The following IPO9 variants were observed in gnomAD, a reference collection of about 807,000 sequenced individuals.
IPO9 encodes the protein importin 9, also known as importin-9.
A neutral mutation model predicts 128.6 loss-of-function variants in IPO9; 28 were observed. That is an observed-to-expected ratio of 0.22 (90% CI 0.16 to 0.30). The LOEUF (loss-of-function observed/expected upper bound fraction) is 0.30. Among genes scored for constraint, IPO9 ranks in the 10% least tolerant of loss-of-function variants. The probability of loss-of-function intolerance (pLI) is 1.00; values close to 1 mark genes in which losing one functional copy is unlikely to be tolerated. For missense variants in IPO9, 935 were observed against 1,293.9 expected (o/e 0.72, Z 4.26); for synonymous variants, 455 against 475.8 (o/e 0.96, Z 0.57).
At chr1:201,843,291 ATACGTAG>A (rs1263398926) in intron 1 of IPO9, among the ~76,000 whole-genome samples, 1 of 152,208 alleles carries the variant, frequency 6.6e-6, no homozygotes, top group Non-Finnish European at 1.5e-5. Flanking sequence ...CTAAGTTACA[ATACGTAG>A]TTAGAATTTC....
rs756505233 is a variant in IPO9, at chr1:201,870,907, T to C, written c.2409+49T>C. On this transcript the variant is annotated intron_variant, in intron 18 of 23. Coordinates refer to ENST00000361565, the MANE Select transcript of IPO9 (RefSeq NM_018085.5). The surrounding 1 kb of genome is among the most constrained non-coding windows in gnomAD (Gnocchi z 4.9). ...CTTCCTACTCCCTGGCTGATAGAAATGAAAATTCGTATTTTGGTCCTGAGT... is the reference window on the plus strand; with the variant it reads ...CTTCCTACTCCCTGGCTGATAGAAACGAAAATTCGTATTTTGGTCCTGAGT... 1.9e-6 allele frequency: 3 copies of C among 1,539,124 alleles called. No homozygotes were observed. Among genetic ancestry groups the C allele is most frequent in the East Asian group, 2.3e-5 (1 of 43,956 alleles).
At chr1:201,854,001 G>T (rs1680273446) in intron 6 of IPO9, among the ~76,000 whole-genome samples, 1 of 152,176 alleles carries the variant, frequency 6.6e-6, no homozygotes, top group African/African-American at 2.4e-5. Flanking sequence ...CTCCCAAAGT[G>T]CTGGGATTAC....
intron 1 of IPO9, among the ~76,000 whole-genome samples, chr1:201,836,886 A>T (rs1679951620): frequency 6.6e-6 from 1 of 152,206 alleles, no homozygotes; most frequent in South Asian, 2.1e-4. Context: ...AAATCTGTTC[A>T]TCTATTTTAT....
chr1:201,874,216 C>T (rs750513248), intron 20 of IPO9, 34 bp from the exon 21 acceptor site: 3 of 1,610,892 alleles, frequency 1.9e-6, no homozygotes, highest in South Asian at 1.1e-5. Flanking sequence ...AGCTCAGTGA[C>T]ACTCTGACTT....
intron 1 of IPO9, 120 bp downstream of exon 1, chr1:201,829,492 G>A: frequency 9.6e-7 from 1 of 1,046,328 alleles, no homozygotes; most frequent in Non-Finnish European, 1.3e-6. Flanking sequence ...CCGAGAAGTG[G>A]AGCAGGAAGC....
In IPO9 at chr1:201,878,226, G is replaced by A. The variant is rs1326104776; in HGVS notation, c.*2172G>A. 2 of 152,320 alleles carry A rather than the reference G, an allele frequency of 1.3e-5. No homozygotes were observed. The highest frequency in any genetic ancestry group is 4.8e-5 in the African/African-American group (2 of 41,464). The allele number at this position is 152,320 out of a possible 1,614,324, so 9.4% of individuals were successfully genotyped here. A position where few individuals can be genotyped will look rare whatever the true frequency, so the allele number is the denominator to read the frequency against. ...GGGAAATGATGGCAGATCTGACCAA[G>A]TGGTGCTGAGAAAACCACCCTCGGC... On this transcript the variant is annotated 3_prime_UTR_variant, in exon 24 of 24. Transcript: ENST00000361565.
At chr1:201,850,456 C>T (rs969843433) in intron 4 of IPO9, 1 of 152,110 alleles carries the variant, frequency 6.6e-6, no homozygotes, top group African/African-American at 2.4e-5. Flanking sequence ...AGATGAGAAC[C>T]AACTAAGGCT....
chr1:201,869,501 A>AT, intron 16 of IPO9, 89 bp from the exon 17 acceptor site: 2 of 1,496,870 alleles, frequency 1.3e-6, no homozygotes, highest in Non-Finnish European at 1.8e-6. Flanking sequence ...CTGGGTTGCT[A>AT]TGTAATACCC....
chr1:201,854,273 C>G (rs1214799515), intron 6 of IPO9, among the ~76,000 whole-genome samples: 1 of 152,228 alleles, frequency 6.6e-6, no homozygotes, highest in Non-Finnish European at 1.5e-5. Flanking sequence ...TCCCTTAGAA[C>G]TTTCCTACTC....
chr1:201,858,494 T>C lies in IPO9; in HGVS notation c.1269T>C (p.Ala423=), dbSNP rs773780495. Residue 423 remains alanine (A), a synonymous_variant, in exon 12 of 24, where the codon GCT becomes GCC. Coordinates refer to ENST00000361565, the MANE Select transcript of IPO9 (RefSeq NM_018085.5). ...FQNESAAALA[A]AATRHLQEAE... is the part of the protein sequence containing the mutation. ...ATGAAAGTGCAGCAGCCCTGGCTGC[T>C]GCAGCCACTCGACATTTACAAGAAG... is the stretch of plus-strand genomic sequence containing the variant. The C allele has an allele frequency of 2.5e-6, 4 of 1,585,494 alleles. No individual in the cohort carries two copies. Among genetic ancestry groups the C allele is most frequent in the Admixed American group, 3.6e-5 (2 of 55,892 alleles).
rs1177273703 is a variant in IPO9, at chr1:201,882,063, G to A, written c.*6009G>A. 1 of 152,124 alleles carries A rather than the reference G, an allele frequency of 6.6e-6. No individual in the cohort carries two copies. The highest frequency in any genetic ancestry group is 2.4e-5 in the African/African-American group (1 of 41,400). The allele number at this position is 152,124 out of a possible 1,614,324, so 9.4% of individuals were successfully genotyped here. A position where few individuals can be genotyped will look rare whatever the true frequency, so the allele number is the denominator to read the frequency against. On this transcript the variant is annotated 3_prime_UTR_variant, in exon 24 of 24. Coordinates refer to ENST00000361565, the MANE Select transcript of IPO9 (RefSeq NM_018085.5). ...CGGGAAAATTCCCCATTCTCACGGG[G>A]ATTTAGACTAGGTCTTAACCATACT...
At chr1:201,848,639 C>T (rs375127575) in intron 4 of IPO9, 45 bp downstream of exon 4, 328 of 1,583,374 alleles carry the variant, frequency 2.1e-4, no homozygotes, top group East Asian at 3.6e-4. Flanking sequence ...GGATCTCAAG[C>T]GACAGGAGTA....
rs946794230 is a variant in IPO9, at chr1:201,882,893, C to T, written c.*6839C>T. The T allele has an allele frequency of 6.6e-6, 1 of 152,626 alleles. No homozygotes were observed. The highest frequency in any genetic ancestry group is 2.4e-5 in the African/African-American group (1 of 41,438). The allele number at this position is 152,626 out of a possible 1,614,324, so 9.5% of individuals were successfully genotyped here. ...GGTGGAAGATGTCCCATCCTATCCC[C>T]CACCCATAGCTGGGAGCTATGTTTG... On this transcript the variant is annotated 3_prime_UTR_variant, in exon 24 of 24. Transcript: ENST00000361565.
intron 1 of IPO9, among the ~76,000 whole-genome samples, chr1:201,838,558 A>G (rs1253813767): frequency 6.6e-6 from 1 of 152,184 alleles, no homozygotes; most frequent in Admixed American, 6.5e-5. Context: ...GGATTGCAGT[A>G]TCTGTAGGGG....
intron 23 of IPO9, among the ~76,000 whole-genome samples, chr1:201,875,605 AT>A (rs201897569): frequency 2.0e-5 from 3 of 151,742 alleles, no homozygotes; most frequent in African/African-American, 7.3e-5. Flanking sequence ...AAAAAAAAAA[AT>A]CCATTTATAA....
At chr1:201,869,470 C>A in intron 16 of IPO9, 120 bp from the exon 17 acceptor site, 2 of 1,213,660 alleles carry the variant, frequency 1.6e-6, no homozygotes, top group Non-Finnish European at 2.3e-6. Flanking sequence ...TGGAAACTTG[C>A]CTTTCATTAA....
In IPO9 at chr1:201,880,460, T is replaced by A. The variant is rs957796380; in HGVS notation, c.*4406T>A. The stretch of plus-strand genomic sequence containing the variant: ...AAAAGAAGCTTGAAGGAGCTAAGAA[T>A]GCTTAGCTTAGAGAAGACAAGAGGA... On this transcript the variant is annotated 3_prime_UTR_variant, in exon 24 of 24. Transcript: ENST00000361565. 19 of 152,336 alleles carry A rather than the reference T, an allele frequency of 1.2e-4. No individual in the cohort carries two copies. The highest frequency in any genetic ancestry group is 4.6e-4 in the African/African-American group (19 of 41,566). 9.4% of individuals were successfully genotyped at this position (152,336 alleles called of 1,614,324 possible).
chr1:201,858,997 A>G lies in IPO9; in HGVS notation c.1468+3A>G, dbSNP rs1201208063. On this transcript the variant is annotated splice_donor_region_variant and intron_variant, in intron 13 of 23. Coordinates refer to ENST00000361565, the MANE Select transcript of IPO9 (RefSeq NM_018085.5). Reference sequence around the variant, plus strand: ...CCTTGCAGACCTCAACCTCTCAGGTATGTTTCAGCACGTGCCAGGATTCTA... The same window carrying G: ...CCTTGCAGACCTCAACCTCTCAGGTGTGTTTCAGCACGTGCCAGGATTCTA... The G allele has an allele frequency of 6.3e-7, 1 of 1,599,762 alleles. No individual in the cohort carries two copies. The highest frequency in any genetic ancestry group is 1.3e-5 in the African/African-American group (1 of 74,594).
intron 12 of IPO9, 134 bp downstream of exon 12, chr1:201,858,687 T>C (rs1264141532): frequency 3.7e-6 from 3 of 810,028 alleles, no homozygotes; most frequent in African/African-American, 3.5e-5. Flanking sequence ...TCTCTTATTA[T>C]TAAAATTTCA....
Sources: gnomAD v4.1 joint callset for allele counts (sites outside exome capture counted in the v4.1 genomes callset) on GRCh38, gnomAD v4.1.1 for gene constraint, Gnocchi (gnomAD v3.1) non-coding constraint, MANE v1.5 for transcripts, NCBI Gene and HGNC (gene_info 2026-07-23, HGNC 2026-07-21) for gene names.